Variants in C8B observed in about 807,000 individuals in gnomAD.
C8B encodes the protein complement C8 beta chain.
In C8B, 67 loss-of-function variants were observed where a neutral mutation model predicts 64.6. That is an observed-to-expected ratio of 1.04 (90% CI 0.85 to 1.27). The LOEUF (loss-of-function observed/expected upper bound fraction) is 1.27. Among genes scored for constraint, C8B ranks in the 50% most tolerant of loss-of-function variants. The pLI is 0.00. For missense variants in C8B, 790 were observed against 725.2 expected, an observed-to-expected ratio of 1.09 and a Z score of -1.03; for synonymous variants, 284 against 257.7, an observed-to-expected ratio of 1.10 and a Z score of -0.98.
rs765555125 is a variant in C8B, at chr1:56,960,041, A to G, written c.228T>C (p.Cys76=). 1.6e-5 allele frequency: 26 copies of G among 1,614,062 alleles called. 2 individuals are homozygous for G. In the South Asian group the frequency reaches 2.6e-4, roughly 16 times the overall value. Residue 76 remains cysteine (C), a synonymous_variant, in exon 2 of 12, where the codon TGT becomes TGC. Transcript: ENST00000371237. ...TTACCCTTTTCTTCTGACAGGGGTC[A>G]CATGTGGTCCAAGAGGACCAACTAG... is the stretch of plus-strand genomic sequence containing the variant. ...ELSSWSSWTT[C]DPCQKKRYRY... is the part of the protein sequence containing the mutation.
chr1:56,934,190 T>C (rs1205485942), intron 9 of C8B, among the ~76,000 whole-genome samples: 1 of 149,834 alleles, frequency 6.7e-6, no homozygotes, highest in East Asian at 2.0e-4. Context: ...TCTGATTAGA[T>C]TGTAAGCTCC....
chr1:56,943,930 T>C (rs1644903524), intron 7 of C8B, 106 bp from the exon 8 acceptor site: 4 of 1,345,256 alleles, frequency 3.0e-6, no homozygotes, highest in Non-Finnish European at 4.2e-6. Context: ...TCACAAGGAC[T>C]CGGGTTCAAA....
intron 2 of C8B, among the ~76,000 whole-genome samples, chr1:56,958,585 G>A (rs1570404543): frequency 6.6e-6 from 1 of 151,584 alleles, no homozygotes; most frequent in African/African-American, 2.4e-5. Flanking sequence ...CACCCAATCT[G>A]ACTTGAGAGG....
At chr1:56,964,631 T>C (rs1475599730) in intron 1 of C8B, among the ~76,000 whole-genome samples, 2 of 152,198 alleles carry the variant, frequency 1.3e-5, no homozygotes, top group Admixed American at 6.5e-5. Context: ...CTATGCCCTG[T>C]AGAGCTGATC....
rs982810810 is a variant in C8B, at chr1:56,953,997, T to A, written c.533+689A>T. ...TTGATGGGTTTTTTTAGAAAGAAGG[T>A]AAATCCCATTCGGGGTCAGTGTTCC... On this transcript the variant is annotated intron_variant, in intron 4 of 11. Transcript: ENST00000371237. Among the ~76,000 whole-genome samples the A allele has an allele frequency of 4.6e-5, 7 of 152,224 alleles. No homozygotes were observed. In the East Asian group the frequency reaches 1.4e-3, roughly 29 times the overall value.
Position 56,940,906 on chromosome 1 carries a change from G to T in C8B, c.1341C>A (p.Asp447Glu), listed in dbSNP as rs770370075. 7 of 1,613,994 alleles carry T rather than the reference G, an allele frequency of 4.3e-6. No homozygotes were observed. The highest frequency in any genetic ancestry group is 5.9e-6 in the Non-Finnish European group (7 of 1,180,006). ...TLAYQELPTA[D>E]LMQEWGDAVQ... ...CAGCGTCTCCCCACTCCTGCATCAGGTCCGCCGTCGGCAGCTCCTGGTATG... is the reference window on the plus strand; with the variant it reads ...CAGCGTCTCCCCACTCCTGCATCAGTTCCGCCGTCGGCAGCTCCTGGTATG... Residue 447 changes from aspartate to glutamate, a missense_variant, in exon 9 of 12, where the codon GAC (aspartate) becomes GAA (glutamate). Coordinates refer to ENST00000371237, the MANE Select transcript of C8B (RefSeq NM_000066.4).
chr1:56,945,913 C>A lies in C8B; in HGVS notation c.1013G>T (p.Arg338Leu), dbSNP rs762755903. 4 of 1,613,982 alleles carry A rather than the reference C, an allele frequency of 2.5e-6. No homozygotes were observed. The African/African-American group carries it at 5.3e-5, about 22-fold the overall frequency. ...YSYGEYRDLF[R>L]DFGTHYITEA... is the part of the protein sequence containing the mutation. ...TGTGATGTAGTGGGTCCCAAAATCA[C>A]GGAAGAGATCTCTGTATTCCCCGTA... Residue 338 changes from arginine (R) to leucine (L), a missense_variant, in exon 7 of 12, where the codon CGT (arginine) becomes CTT (leucine). Physicochemically the swap from Arg to Leu is moderately radical, Grantham distance 102. Coordinates refer to ENST00000371237, the MANE Select transcript of C8B (RefSeq NM_000066.4).
At chr1:56,929,832 C>T (rs531100281) in intron 11 of C8B, among the ~76,000 whole-genome samples, 1 of 152,316 alleles carries the variant, frequency 6.6e-6, no homozygotes, top group South Asian at 2.1e-4. Context: ...GTTATTTCCT[C>T]AGGAAAATCT....
intron 9 of C8B, among the ~76,000 whole-genome samples, chr1:56,934,789 G>C (rs949635952): frequency 6.6e-6 from 1 of 152,130 alleles, no homozygotes; most frequent in African/African-American, 2.4e-5. Flanking sequence ...CCACACAAGG[G>C]GTGGGGGTGG....
At chr1:56,952,965 G>A (rs578031645) in intron 4 of C8B, among the ~76,000 whole-genome samples, 4 of 152,078 alleles carry the variant, frequency 2.6e-5, no homozygotes, top group Non-Finnish European at 4.4e-5. Context: ...CTTAATTTCC[G>A]TACAACCCTC....
At chr1:56,941,067 A>AT (rs1216501780) in intron 8 of C8B, 55 bp from the exon 9 acceptor site, 1 of 1,597,828 alleles carries the variant, frequency 6.3e-7, no homozygotes, top group Non-Finnish European at 8.5e-7. Context: ...GCCCCCTAGA[A>AT]TTTGCTGCAA....
chr1:56,964,687 G>A (rs780631601), intron 1 of C8B, among the ~76,000 whole-genome samples: 5 of 152,158 alleles, frequency 3.3e-5, no homozygotes, highest in Non-Finnish European at 5.9e-5. Flanking sequence ...TTTTGTAACG[G>A]TACACATAGC....
chr1:56,946,575 ATTAC>A (rs1644945469), intron 6 of C8B, among the ~76,000 whole-genome samples: 1 of 152,202 alleles, frequency 6.6e-6, no homozygotes, highest in Admixed American at 6.5e-5. Flanking sequence ...AACTGCCTCC[ATTAC>A]TTACATACGG....
Position 56,945,932 on chromosome 1 carries a change from C to A in C8B, c.994G>T (p.Glu332Ter). 6.2e-7 allele frequency: 1 copy of A among 1,614,148 alleles called. No individual in the cohort carries two copies. The highest frequency in any genetic ancestry group is 8.5e-7 in the Non-Finnish European group (1 of 1,180,012). The change falls in exon 7 of 12, where the codon GAA becomes TAA. Residue 332 changes from glutamate to a stop codon, truncating the protein, a stop_gained. Transcript: ENST00000371237. LOFTEE classifies it high-confidence loss of function. ...KRLPLEYSYG[E>*]YRDLFRDFGT... ...AAATCACGGAAGAGATCTCTGTATT[C>A]CCCGTAGCTGTACTCCAGGGGCAGC...
chr1:56,951,661 A>G (rs923051825), intron 5 of C8B, among the ~76,000 whole-genome samples: 3 of 152,188 alleles, frequency 2.0e-5, no homozygotes, highest in African/African-American at 7.2e-5. Context: ...ACATTATCTC[A>G]CTAATCCTCT....
At chr1:56,963,531 T>C (rs72670380) in intron 1 of C8B, among the ~76,000 whole-genome samples, 17,372 of 130,502 alleles carry the variant, frequency 0.13, 1,208 homozygotes, top group Non-Finnish European at 0.16. Flanking sequence ...GGCCCAGAGA[T>C]GGAGAAACAG....
chr1:56,956,981 T>G, intron 2 of C8B, 71 bp from the exon 3 acceptor site: 1 of 1,566,096 alleles, frequency 6.4e-7, no homozygotes, highest in East Asian at 2.2e-5. Context: ...ATACTCTGTG[T>G]AAATGGGTCT....
chr1:56,946,587 C>T (rs2269113), intron 6 of C8B, among the ~76,000 whole-genome samples: 29,032 of 152,152 alleles, frequency 0.19, 3,137 homozygotes, highest in East Asian at 0.39. Flanking sequence ...TACTTACATA[C>T]GGTTTACAAC....
intron 2 of C8B, chr1:56,959,602 A>T (rs1363492908): frequency 1.3e-6 from 2 of 1,535,548 alleles, no homozygotes; most frequent in East Asian, 2.4e-5. Flanking sequence ...TGTGCTGGAA[A>T]TGTAGGCTAG....
Sources: gnomAD v4.1 joint callset for allele counts (sites outside exome capture counted in the v4.1 genomes callset) on GRCh38, gnomAD v4.1.1 for gene constraint, MANE v1.5 for transcripts, NCBI Gene and HGNC (gene_info 2026-07-23, HGNC 2026-07-21) for gene names.